Variants in KLF9 observed in about 807,000 individuals in gnomAD.
The protein encoded by KLF9 is Krueppel-like factor 9.
Under a neutral mutation model 17.3 loss-of-function variants are expected in KLF9, and 2 were observed. That is an observed-to-expected ratio of 0.12 (90% CI 0.05 to 0.36). The LOEUF is 0.36. Among genes scored for constraint, KLF9 ranks in the 10% least tolerant of loss-of-function variants. KLF9 has a pLI of 1.00. For missense variants in KLF9, 226 were observed against 333.2 expected (o/e 0.68, Z 2.51); for synonymous variants, 138 against 139.2 (o/e 0.99, Z 0.06).
intron 1 of KLF9, 50 bp downstream of exon 1, chr9:70,412,809 C>T (rs1220464793): frequency 6.6e-7 from 1 of 1,517,302 alleles, no homozygotes; most frequent in South Asian, 1.3e-5. Context: ...GCTGCCTGGC[C>T]AAAGGTTAAC....
chr9:70,384,987 C>T lies in KLF9; in HGVS notation c.*2789G>A, dbSNP rs2037099623. 1 of 152,356 alleles carries T rather than the reference C, an allele frequency of 6.6e-6. No individual in the cohort carries two copies. The highest frequency in any genetic ancestry group is 1.5e-5 in the Non-Finnish European group (1 of 68,032). 9.4% of individuals were successfully genotyped at this position (152,356 alleles called of 1,614,324 possible). ...GGTGAAGGGCTTTCTTCTTCCCTAA[C>T]CAAAGAGAGGAGATATCTTAACTCT... On this transcript the variant is annotated 3_prime_UTR_variant, in exon 2 of 2. Coordinates refer to ENST00000377126, the MANE Select transcript of KLF9 (RefSeq NM_001206.4).
chr9:70,393,680 T>A (rs1292342491), intron 1 of KLF9, among the ~76,000 whole-genome samples: 1 of 152,288 alleles, frequency 6.6e-6, no homozygotes, highest in South Asian at 2.1e-4. Flanking sequence ...CTAAGGGATT[T>A]AGGCCTCCTT....
In KLF9 at chr9:70,412,870, C is replaced by A; in HGVS notation, c.494G>T (p.Arg165Ile). 6.3e-7 allele frequency: 1 copy of A among 1,597,368 alleles called. No homozygotes were observed. Residue 165 changes from arginine (R) to isoleucine (I), a missense_variant, in exon 1 of 2, where the codon AGA becomes ATA. Arg to Ile is a moderately conservative substitution (Grantham distance 97). Transcript: ENST00000377126. ...GCGACGCCGCTAACCTGTATGCACT[C>A]TGTAATGGGCTTTGAGATGGGAGGA... is the stretch of plus-strand genomic sequence containing the variant. ...GKSSHLKAHY[R>I]VHTGERPFPC...
intron 1 of KLF9, among the ~76,000 whole-genome samples, chr9:70,397,284 G>A (rs1296382294): frequency 6.6e-6 from 1 of 152,038 alleles, no homozygotes; most frequent in Non-Finnish European, 1.5e-5. Flanking sequence ...AGACCATCCT[G>A]GCCAACATGG....
intron 1 of KLF9, among the ~76,000 whole-genome samples, chr9:70,407,369 CA>C (rs913898682): frequency 6.6e-6 from 1 of 152,162 alleles, no homozygotes; most frequent in African/African-American, 2.4e-5. Context: ...TGTCACCATC[CA>C]AGTGGCACTG....
At chr9:70,391,705 G>A (rs1298469190) in intron 1 of KLF9, among the ~76,000 whole-genome samples, 1 of 152,164 alleles carries the variant, frequency 6.6e-6, no homozygotes, top group Admixed American at 6.5e-5. Context: ...TCAGGGGCTA[G>A]CAATCCACAT....
rs375442673 is a variant in KLF9, at chr9:70,408,890, G to C, written c.505+3969C>G. On this transcript the variant is annotated intron_variant, in intron 1 of 1. Transcript: ENST00000377126. The stretch of plus-strand genomic sequence containing the variant: ...ACACCAAGTATGCCAAGGATCCCAA[G>C]AATGTGTTCGAAGAGGCTAAGGAGC... Among the ~76,000 whole-genome samples the C allele has an allele frequency of 3.1e-3, 467 of 150,248 alleles. 2 individuals are homozygous for C. Among genetic ancestry groups the C allele is most frequent in the African/African-American group, 0.01 (426 of 40,852 alleles).
rs2037122725 is a variant in KLF9, at chr9:70,387,604, T to G, written c.*172A>C. On this transcript the variant is annotated 3_prime_UTR_variant, in exon 2 of 2. Coordinates refer to ENST00000377126, the MANE Select transcript of KLF9 (RefSeq NM_001206.4). ...TTGACTTTGATCTTAGGCTACAATG[T>G]GCTTTTTAAAAACAATGCAGGGAGA... The G allele has an allele frequency of 1.6e-6, 1 of 614,772 alleles. No homozygotes were observed. Among genetic ancestry groups the G allele is most frequent in the African/African-American group, 1.8e-5 (1 of 54,262 alleles). The allele number at this position is 614,772 out of a possible 1,614,324, so 38.1% of individuals were successfully genotyped here.
rs2037354434 is a variant in KLF9 at position 70,413,993 on chromosome 9, C to G, written c.-630G>C. 2.6e-5 allele frequency: 4 copies of G among 152,766 alleles called. No homozygotes were observed. Among genetic ancestry groups the G allele is most frequent in the Admixed American group, 2.6e-4 (4 of 15,282 alleles). The allele number at this position is 152,766 out of a possible 1,614,324, so 9.5% of individuals were successfully genotyped here. A position where few individuals can be genotyped will look rare whatever the true frequency, so the allele number is the denominator to read the frequency against. ...GAATCCCATCACGTCACAAACCAAA[C>G]CCCCTCCAATTGGCCAGTGGGGAGG... On this transcript the variant is annotated 5_prime_UTR_variant, in exon 1 of 2. Coordinates refer to ENST00000377126, the MANE Select transcript of KLF9 (RefSeq NM_001206.4). This position sits in a 1 kb window ranked among gnomAD's most constrained non-coding sequence, Gnocchi z 5.6.
chr9:70,397,189 G>A (rs906455738), intron 1 of KLF9, among the ~76,000 whole-genome samples: 3 of 151,848 alleles, frequency 2.0e-5, no homozygotes, highest in Admixed American at 6.6e-5. Flanking sequence ...TTCCTGGCCC[G>A]GTGTGATGGC....
Position 70,387,658 on chromosome 9 carries a change from G to C in KLF9, c.*118C>G. 1.3e-6 allele frequency: 1 copy of C among 789,742 alleles called. No homozygotes were observed. The highest frequency in any genetic ancestry group is 2.1e-6 in the Non-Finnish European group (1 of 472,182). The allele number at this position is 789,742 out of a possible 1,614,324, so 48.9% of individuals were successfully genotyped here. On this transcript the variant is annotated 3_prime_UTR_variant, in exon 2 of 2. Coordinates refer to ENST00000377126, the MANE Select transcript of KLF9 (RefSeq NM_001206.4). Reference sequence around the variant, plus strand: ...AAATCAGAATATTGACCAAAGAGCAGTGACTTCCTGTGCCGTCAAGTGTGC... The same window carrying C: ...AAATCAGAATATTGACCAAAGAGCACTGACTTCCTGTGCCGTCAAGTGTGC...
intron 1 of KLF9, among the ~76,000 whole-genome samples, chr9:70,390,314 A>G (rs1275467313): frequency 6.6e-6 from 1 of 152,076 alleles, no homozygotes; most frequent in Admixed American, 6.5e-5. Context: ...TAGCAAACCA[A>G]TGAATGCTGG....
intron 1 of KLF9, 145 bp from the exon 2 acceptor site, chr9:70,388,150 T>A: frequency 2.9e-6 from 2 of 686,136 alleles, no homozygotes; most frequent in Non-Finnish European, 4.9e-6. Context: ...AATCCCTATG[T>A]TGAAGCCTTA....
rs547525814 is a variant in KLF9 at position 70,411,014 on chromosome 9, C to G, written c.505+1845G>C. ...GAACATCTCACTTCGTTTTCCACTC[C>G]TGACTGGGAAAAAGGTTCTCCTGAA... On this transcript the variant is annotated intron_variant, in intron 1 of 1. Coordinates refer to ENST00000377126, the MANE Select transcript of KLF9 (RefSeq NM_001206.4). Among the ~76,000 whole-genome samples, 13 of 152,346 alleles carry G rather than the reference C, an allele frequency of 8.5e-5. No individual in the cohort carries two copies. In the East Asian group the frequency reaches 9.7e-4, roughly 11 times the overall value.
At chr9:70,407,979 T>C (rs1309746593) in intron 1 of KLF9, among the ~76,000 whole-genome samples, 1 of 152,144 alleles carries the variant, frequency 6.6e-6, no homozygotes, top group East Asian at 1.9e-4. Flanking sequence ...CAAAAATTGG[T>C]TCTGTGACAG....
chr9:70,395,298 A>C lies in KLF9; in HGVS notation c.506-7293T>G, dbSNP rs558980266. Among the ~76,000 whole-genome samples, 3 of 152,330 alleles carry C rather than the reference A, an allele frequency of 2.0e-5. No individual in the cohort carries two copies. In the South Asian group the frequency reaches 6.2e-4, roughly 32 times the overall value. ...AAAATTAAATCTTAGTCCCTACCTCATACTTTTCACTCAAATGATTTCCAA... is the reference window on the plus strand; with the variant it reads ...AAAATTAAATCTTAGTCCCTACCTCCTACTTTTCACTCAAATGATTTCCAA... On this transcript the variant is annotated intron_variant, in intron 1 of 1. Transcript: ENST00000377126.
At chr9:70,403,859 T>G (rs1277632782) in intron 1 of KLF9, among the ~76,000 whole-genome samples, 1 of 152,068 alleles carries the variant, frequency 6.6e-6, no homozygotes, top group Admixed American at 6.6e-5. Flanking sequence ...TAACCGAGGT[T>G]CATGAAAACC....
rs1297685200 is a variant in KLF9 at position 70,387,050 on chromosome 9, C to T, written c.*726G>A. The T allele has an allele frequency of 6.6e-6, 1 of 152,578 alleles. No individual in the cohort carries two copies. The highest frequency in any genetic ancestry group is 1.5e-5 in the Non-Finnish European group (1 of 68,048). 9.5% of individuals were successfully genotyped at this position (152,578 alleles called of 1,614,324 possible). On this transcript the variant is annotated 3_prime_UTR_variant, in exon 2 of 2. Coordinates refer to ENST00000377126, the MANE Select transcript of KLF9 (RefSeq NM_001206.4). The stretch of plus-strand genomic sequence containing the variant: ...TTTAAAAGTTCTGTACTTAGTGTAA[C>T]CTTTCAAAGGTTTGTCTTGATTAGT...
intron 1 of KLF9, among the ~76,000 whole-genome samples, chr9:70,410,166 T>C (rs1429816213): frequency 6.6e-6 from 1 of 152,210 alleles, no homozygotes; most frequent in East Asian, 1.9e-4. Context: ...TTCAAGCCAA[T>C]TGTTGCTAGG....
Sources: gnomAD v4.1 joint callset for allele counts (sites outside exome capture counted in the v4.1 genomes callset) on GRCh38, gnomAD v4.1.1 for gene constraint, Gnocchi (gnomAD v3.1) non-coding constraint, MANE v1.5 for transcripts, NCBI Gene and HGNC (gene_info 2026-07-23, HGNC 2026-07-21) for gene names.